Variants in CYB5R3 observed in about 807,000 individuals in gnomAD.
CYB5R3 encodes NADH-cytochrome b5 reductase 3.
Under a neutral mutation model 36.5 loss-of-function variants are expected in CYB5R3, and 28 were observed. The observed-to-expected ratio is 0.77, with a 90% CI of 0.57 to 1.05. The LOEUF (loss-of-function observed/expected upper bound fraction) is 1.05. CYB5R3 is among the 50% of genes least tolerant of loss of function. The pLI, the probability that CYB5R3 is intolerant of heterozygous loss-of-function variation, is 0.00. For synonymous variants in CYB5R3, 181 were observed against 159.8 expected, an observed-to-expected ratio of 1.13 and a Z score of -1.00; for missense variants, 474 against 408.9, an observed-to-expected ratio of 1.16 and a Z score of -1.37.
rs775750710 is a variant in CYB5R3, at chr22:42,636,856, C to A, written c.22-10G>T. 4 of 1,612,906 alleles carry A rather than the reference C, an allele frequency of 2.5e-6. No homozygotes were observed. The highest frequency in any genetic ancestry group is 3.4e-6 in the Non-Finnish European group (4 of 1,179,772). The stretch of plus-strand genomic sequence containing the variant: ...GCACCATATGGCCCAACTGAAACGA[C>A]AGGACCCGCGGGGTCAGTGCAGGAG... On this transcript the variant is annotated splice_polypyrimidine_tract_variant and intron_variant, in intron 1 of 8. Coordinates refer to ENST00000352397, the MANE Select transcript of CYB5R3 (RefSeq NM_000398.7).
chr22:42,630,969 C>A lies in CYB5R3; in HGVS notation c.246G>T (p.Ser82=). 1.2e-6 allele frequency: 2 copies of A among 1,613,936 alleles called. No individual in the cohort carries two copies. The highest frequency in any genetic ancestry group is 8.5e-7 in the Non-Finnish European group (1 of 1,179,950). The change falls in exon 4 of 9, where the codon TCG becomes TCT. Residue 82 remains serine (S), a synonymous_variant. Transcript: ENST00000352397. The stretch of plus-strand genomic sequence containing the variant: ...CGACCAGGTTTCCATCAATTCGAGC[C>A]GAGAGGTAGATGTGCTGGCCTGCAG... The part of the protein sequence containing the change: ...GLPVGQHIYL[S]ARIDGNLVVR...
intron 8 of CYB5R3, among the ~76,000 whole-genome samples, chr22:42,622,583 G>T (rs1928040828): frequency 6.6e-6 from 1 of 152,124 alleles, no homozygotes; most frequent in Non-Finnish European, 1.5e-5. Flanking sequence ...AACCCAAGCT[G>T]GTCATCTGAG....
rs67349863 is a variant in CYB5R3, at chr22:42,638,728, T to TAAAAAAAAAAAAAAAAAAAAA, written c.22-1903_22-1883dup. On this transcript the variant is annotated intron_variant, in intron 1 of 8. Transcript: ENST00000352397. ...GCCTGGGAGACAGAGCAAGACTCCATAAAAAAAAAAAAAAAAAAAAAAGGC... is the reference window on the plus strand; with the variant it reads ...GCCTGGGAGACAGAGCAAGACTCCATAAAAAAAAAAAAAAAAAAAAAAAAAAAAAAAAAAAAAAAAAAAGGC... Among the ~76,000 whole-genome samples the TAAAAAAAAAAAAAAAAAAAAA allele has an allele frequency of 5.1e-4, 24 of 47,516 alleles. 1 individual carries two copies. The highest frequency in any genetic ancestry group is 2.1e-3 in the East Asian group (4 of 1,948). 31.2% of individuals were successfully genotyped at this position (47,516 alleles called of 152,430 possible).
chr22:42,628,165 G>C lies in CYB5R3; in HGVS notation c.450C>G (p.Val150=). The change falls in exon 5 of 9, where the codon GTC becomes GTG. Residue 150 remains valine (V), a synonymous_variant. Transcript: ENST00000352397. ...GACCCGAATCACCTTTGCCCTGGTA[G>C]ACCAGCAGCCCACTGGGGCCCCGGA... ...IEFRGPSGLL[V]YQGKGKFAIR... 2 of 1,614,082 alleles carry C rather than the reference G, an allele frequency of 1.2e-6. No homozygotes were observed. Among genetic ancestry groups the C allele is most frequent in the Non-Finnish European group, 1.7e-6 (2 of 1,179,994 alleles).
intron 2 of CYB5R3, chr22:42,632,506 A>T (rs2146886255): frequency 6.6e-6 from 1 of 152,476 alleles, no homozygotes; most frequent in South Asian, 2.1e-4. Flanking sequence ...GTGTGAGCAG[A>T]GGCAAATCGC....
rs1366675241 is a variant in CYB5R3, at chr22:42,630,893, G to C, written c.322C>G (p.Leu108Val). ...CCCAGAGGCTTCACCTTGATGACCA[G>C]GTCCACGAAGCCCTTGTCATCATCG... ...SSDDDKGFVD[L>V]VIKVYFKDTH... The change falls in exon 4 of 9, where the codon CTG becomes GTG. Residue 108 changes from leucine to valine, a missense_variant. By Grantham distance (32) the Leu-to-Val change is conservative. Transcript: ENST00000352397. 6.2e-7 allele frequency: 1 copy of C among 1,613,166 alleles called. No homozygotes were observed. Among genetic ancestry groups the C allele is most frequent in the Admixed American group, 1.7e-5 (1 of 59,922 alleles).
At chr22:42,621,487 G>A (rs142642173) in intron 8 of CYB5R3, among the ~76,000 whole-genome samples, 9 of 152,272 alleles carry the variant, frequency 5.9e-5, no homozygotes, top group East Asian at 1.9e-4. Flanking sequence ...GCTTAGCTAC[G>A]GTACAGCCAG....
chr22:42,632,475 A>G (rs3091344), intron 2 of CYB5R3: 14,580 of 152,342 alleles, frequency 0.096, 842 homozygotes, highest in Middle Eastern at 0.15. Flanking sequence ...AGCTGCCTCA[A>G]GGAGAGACCC....
intron 8 of CYB5R3, among the ~76,000 whole-genome samples, chr22:42,622,296 G>A (rs962603743): frequency 4.6e-5 from 7 of 152,098 alleles, no homozygotes; most frequent in African/African-American, 1.4e-4. Context: ...CGCTCCAGCC[G>A]CTGCCTGGCT....
At chr22:42,623,603 T>C (rs375473147) in intron 8 of CYB5R3, among the ~76,000 whole-genome samples, 186 bp downstream of exon 8, 10 of 152,296 alleles carry the variant, frequency 6.6e-5, no homozygotes, top group African/African-American at 2.4e-4. Context: ...TGTGGTGGTT[T>C]CCGGCTGTGT....
chr22:42,644,816 T>C (rs755400984), intron 1 of CYB5R3, among the ~76,000 whole-genome samples: 1 of 152,112 alleles, frequency 6.6e-6, no homozygotes, highest in Non-Finnish European at 1.5e-5. Context: ...TGGAGTTCTG[T>C]TTTTCCAGCA....
intron 1 of CYB5R3, among the ~76,000 whole-genome samples, chr22:42,647,948 T>A (rs2267459): frequency 0.29 from 43,521 of 152,044 alleles, 6,533 homozygotes; most frequent in East Asian, 0.58. Flanking sequence ...CTGGAAGGTA[T>A]GGAACACCAC....
chr22:42,636,903 C>A, intron 1 of CYB5R3, 57 bp from the exon 2 acceptor site: 2 of 1,591,150 alleles, frequency 1.3e-6, no homozygotes, highest in South Asian at 2.3e-5. Context: ...CCAAACACAC[C>A]GGCTTGTCCA....
intron 4 of CYB5R3, among the ~76,000 whole-genome samples, chr22:42,628,662 G>T (rs1023422515): frequency 2.3e-4 from 35 of 152,166 alleles, no homozygotes; most frequent in African/African-American, 8.0e-4. Context: ...ACTCCTCCTG[G>T]TGGACACTCA....
chr22:42,642,822 T>C (rs960864357), intron 1 of CYB5R3, among the ~76,000 whole-genome samples: 4 of 152,224 alleles, frequency 2.6e-5, no homozygotes, highest in African/African-American at 4.8e-5. Context: ...CCAAAGTTCA[T>C]ATAAAACACT....
At chr22:42,627,775 C>A (rs1167886054) in intron 5 of CYB5R3, 87 bp from the exon 6 acceptor site, 5 of 1,018,832 alleles carry the variant, frequency 4.9e-6, no homozygotes, top group South Asian at 1.3e-5. Flanking sequence ...GGAGAACCTG[C>A]CCCCACTGTG....
At chr22:42,631,166 A>G in intron 3 of CYB5R3, 178 bp from the exon 4 acceptor site, 1 of 754,418 alleles carries the variant, frequency 1.3e-6, no homozygotes, top group South Asian at 1.6e-5. Flanking sequence ...TCCTGCCTCC[A>G]TGCCTTCACT....
In CYB5R3 at chr22:42,619,683, C is replaced by A. The variant is rs558438114; in HGVS notation, c.*90G>T. ...CGGGCAGGCCAGGCTGAACCCGGGGCCCCAGTGTGCGATGTGGGGAGGTGA... is the reference window on the plus strand; with the variant it reads ...CGGGCAGGCCAGGCTGAACCCGGGGACCCAGTGTGCGATGTGGGGAGGTGA... On this transcript the variant is annotated 3_prime_UTR_variant, in exon 9 of 9. Coordinates refer to ENST00000352397, the MANE Select transcript of CYB5R3 (RefSeq NM_000398.7). 1 of 1,366,122 alleles carries A rather than the reference C, an allele frequency of 7.3e-7. No individual in the cohort carries two copies. Among genetic ancestry groups the A allele is most frequent in the Non-Finnish European group, 9.9e-7 (1 of 1,010,428 alleles). The allele number at this position is 1,366,122 out of a possible 1,614,324, so 84.6% of individuals were successfully genotyped here.
At chr22:42,634,036 G>A (rs187654837) in intron 2 of CYB5R3, among the ~76,000 whole-genome samples, 3 of 152,198 alleles carry the variant, frequency 2.0e-5, no homozygotes, top group African/African-American at 7.2e-5. Context: ...AAAAACATGT[G>A]TGCCTGCTTA....
Sources: gnomAD v4.1 joint callset for allele counts (sites outside exome capture counted in the v4.1 genomes callset) on GRCh38, gnomAD v4.1.1 for gene constraint, MANE v1.5 for transcripts, NCBI Gene and HGNC (gene_info 2026-07-23, HGNC 2026-07-21) for gene names.